GPHN: variants seen among roughly 807,000 people sequenced by gnomAD.
The protein encoded by GPHN is gephyrin.
Under a neutral mutation model 95.5 loss-of-function variants are expected in GPHN, and 17 were observed. The observed-to-expected ratio is 0.18, with a 90% CI of 0.12 to 0.27. The LOEUF (loss-of-function observed/expected upper bound fraction) is 0.27, where lower values mean the gene tolerates loss of function less well. Ranked by LOEUF, GPHN falls within the 10% of genes least tolerant of loss-of-function variation. The pLI is 1.00. For missense variants in GPHN, 660 were observed against 978.1 expected (o/e 0.67, Z 4.34); for synonymous variants, 320 against 322.5 (o/e 0.99, Z 0.08).
At chr14:66,875,583 CAAAA>C (rs907955619) in intron 4 of GPHN, among the ~76,000 whole-genome samples, 1 of 148,774 alleles carries the variant, frequency 6.7e-6, no homozygotes, top group Admixed American at 6.7e-5. Flanking sequence ...AAATGGAAAG[CAAAA>C]AAAAGCAGGG....
At chr14:67,725,266 A>G in the GPHN span, 5 of 1,612,370 alleles carry the variant, frequency 3.1e-6, no homozygotes, top group Non-Finnish European at 4.2e-6. Context: ...TGAGGTCCTG[A>G]TGGGTAGGTA....
the GPHN span, among the ~76,000 whole-genome samples, chr14:67,506,605 G>A: frequency 6.6e-6 from 1 of 152,156 alleles, no homozygotes; most frequent in Admixed American, 6.5e-5. Context: ...GGTTTGGTGG[G>A]TTCAGTGGGA....
intron 17 of GPHN, among the ~76,000 whole-genome samples, chr14:67,134,938 C>CTTTTT (rs2079962925): frequency 1.8e-5 from 1 of 54,602 alleles, no homozygotes; most frequent in Non-Finnish European, 4.1e-5. Context: ...CTTTTTTTCT[C>CTTTTT]TTTCTTTCTT....
At chr14:67,001,872 A>T (rs2072254938) in intron 9 of GPHN, among the ~76,000 whole-genome samples, 2 of 151,664 alleles carry the variant, frequency 1.3e-5, no homozygotes, top group Admixed American at 1.3e-4. Context: ...ATTTTTAAAG[A>T]CTCAAATAAG....
the GPHN span, among the ~76,000 whole-genome samples, chr14:67,369,130 C>T: frequency 5.9e-5 from 9 of 152,104 alleles, no homozygotes; most frequent in Admixed American, 3.9e-4. Context: ...CAAGACTCGA[C>T]GATAATCCTG....
chr14:67,177,723 G>A (rs2083077888), intron 21 of GPHN, among the ~76,000 whole-genome samples: 1 of 152,138 alleles, frequency 6.6e-6, no homozygotes, highest in Non-Finnish European at 1.5e-5. Flanking sequence ...AAGTCTCTTT[G>A]TAGGTCTCTA....
chr14:66,897,284 G>C (rs1021408933), intron 5 of GPHN, among the ~76,000 whole-genome samples: 3 of 152,104 alleles, frequency 2.0e-5, no homozygotes, highest in Admixed American at 6.6e-5. Flanking sequence ...GTTGTGAATA[G>C]TGCTGCACTA....
At chr14:66,957,532 C>T (rs1312017960) in intron 8 of GPHN, among the ~76,000 whole-genome samples, 4 of 152,000 alleles carry the variant, frequency 2.6e-5, no homozygotes, top group Admixed American at 2.6e-4. Context: ...TAATTTCCTT[C>T]CATTATGGTC....
chr14:67,128,117 C>T, intron 17 of GPHN, among the ~76,000 whole-genome samples: 1 of 152,218 alleles, frequency 6.6e-6, no homozygotes. Flanking sequence ...CCTTGGCTTT[C>T]TGTCCTTTTC....
intron 4 of GPHN, among the ~76,000 whole-genome samples, chr14:66,845,831 G>A (rs2062303665): frequency 6.6e-6 from 1 of 150,568 alleles, no homozygotes; most frequent in Non-Finnish European, 1.5e-5. Flanking sequence ...GTGTGTGTGT[G>A]TGTGTGTGTG....
chr14:67,714,242 C>T, the GPHN span, among the ~76,000 whole-genome samples: 2 of 152,178 alleles, frequency 1.3e-5, no homozygotes, highest in African/African-American at 4.8e-5. Flanking sequence ...CTCAAGTTCT[C>T]CTCCTGCCTC....
intron 8 of GPHN, among the ~76,000 whole-genome samples, chr14:66,956,141 C>T (rs1003747002): frequency 6.6e-6 from 1 of 151,968 alleles, no homozygotes; most frequent in Non-Finnish European, 1.5e-5. Context: ...TTAGTTTATA[C>T]TTTATTTTAT....
At chr14:67,184,908 T>G (rs1361931502), downstream of GPHN, among the ~76,000 whole-genome samples, 1 of 152,018 alleles carries the variant, frequency 6.6e-6, no homozygotes, top group Non-Finnish European at 1.5e-5. Flanking sequence ...AAACAGTTTG[T>G]AGAAGAGAAG....
the GPHN span, chr14:67,692,292 T>C: frequency 1.3e-6 from 1 of 769,200 alleles, no homozygotes; most frequent in South Asian, 1.7e-5. Flanking sequence ...ATAAATTGTG[T>C]CCCAGTGACT....
At chr14:67,250,768 A>G in the GPHN span, among the ~76,000 whole-genome samples, 1 of 152,248 alleles carries the variant, frequency 6.6e-6, no homozygotes, top group Non-Finnish European at 1.5e-5. Flanking sequence ...AATAAATTTC[A>G]TAGTTTTTGT....
chr14:67,080,403 T>G (rs1481637039), intron 11 of GPHN, among the ~76,000 whole-genome samples: 2 of 152,038 alleles, frequency 1.3e-5, no homozygotes, highest in Non-Finnish European at 2.9e-5. Flanking sequence ...GCACAAAATA[T>G]TTCTGTTAGA....
At chr14:67,133,368 A>G (rs1377405913) in intron 17 of GPHN, among the ~76,000 whole-genome samples, 2 of 152,150 alleles carry the variant, frequency 1.3e-5, no homozygotes, top group African/African-American at 4.8e-5. Context: ...CTGTGTGTTT[A>G]TATTAAATAT....
chr14:67,307,971 A>G, the GPHN span, among the ~76,000 whole-genome samples: 2 of 152,146 alleles, frequency 1.3e-5, no homozygotes, highest in Admixed American at 6.5e-5. Flanking sequence ...TTAGCAAACT[A>G]ACACAGGAAC....
chr14:67,028,331 G>T (rs2074027666), intron 10 of GPHN, among the ~76,000 whole-genome samples: 2 of 152,192 alleles, frequency 1.3e-5, no homozygotes, highest in African/African-American at 4.8e-5. Context: ...AATCATGGGG[G>T]TACAGGCATC....
Sources: gnomAD v4.1 joint callset for allele counts (sites outside exome capture counted in the v4.1 genomes callset) on GRCh38, gnomAD v4.1.1 for gene constraint, MANE v1.5 for transcripts, NCBI Gene and HGNC (gene_info 2026-07-23, HGNC 2026-07-21) for gene names.